The following MAP2K6 variants were observed in gnomAD, a reference collection of about 807,000 sequenced individuals.
MAP2K6 encodes the protein dual specificity mitogen-activated protein kinase kinase 6.
A neutral mutation model predicts 53.7 loss-of-function variants in MAP2K6; 16 were observed. The ratio of observed to expected loss-of-function variants is 0.30; its 90% CI spans 0.20 to 0.45. The LOEUF is 0.45. MAP2K6 is among the 20% of genes least tolerant of loss of function. The pLI is 1.00. For synonymous variants in MAP2K6, 132 were observed against 143.1 expected, an observed-to-expected ratio of 0.92 and a Z score of 0.55; for missense variants, 204 against 411.9, an observed-to-expected ratio of 0.50 and a Z score of 4.37.
chr17:69,416,583 T>A (rs1349679586), intron 1 of MAP2K6, among the ~76,000 whole-genome samples: 1 of 152,192 alleles, frequency 6.6e-6, no homozygotes, highest in African/African-American at 2.4e-5. Context: ...TATATACATA[T>A]GTATGTGTGT....
intron 1 of MAP2K6, among the ~76,000 whole-genome samples, chr17:69,428,745 A>G (rs1906350351): frequency 6.6e-6 from 1 of 152,106 alleles, no homozygotes; most frequent in Admixed American, 6.6e-5. Flanking sequence ...GAAGGACCTT[A>G]AGTTGGTATA....
At chr17:69,497,065 A>G (rs1908981229) in intron 1 of MAP2K6, among the ~76,000 whole-genome samples, 1 of 152,184 alleles carries the variant, frequency 6.6e-6, no homozygotes, top group African/African-American at 2.4e-5. Context: ...ACCAGAGCCT[A>G]TAGATTTTGC....
At chr17:69,437,378 T>G (rs148185427) in intron 1 of MAP2K6, among the ~76,000 whole-genome samples, 1 of 151,980 alleles carries the variant, frequency 6.6e-6, no homozygotes, top group Admixed American at 6.5e-5. Context: ...TCACATTGAG[T>G]AGGCTAAGGA....
At chr17:69,418,675 A>G (rs1049510280) in intron 1 of MAP2K6, among the ~76,000 whole-genome samples, 1 of 152,140 alleles carries the variant, frequency 6.6e-6, no homozygotes, top group African/African-American at 2.4e-5. Flanking sequence ...CTTCCATTGT[A>G]TTTATTTAAA....
chr17:69,508,770 T>A (rs1351718510), intron 2 of MAP2K6, among the ~76,000 whole-genome samples: 3 of 152,212 alleles, frequency 2.0e-5, no homozygotes, highest in Non-Finnish European at 4.4e-5. Context: ...CCATGGTCCA[T>A]TTTGAGTTAA....
chr17:69,423,681 A>G lies in MAP2K6; in HGVS notation c.16+8681A>G, dbSNP rs577433326. ...TTATAAGAATTGTAGGTCATTGCTC[A>G]TTTCCTCTGAACTAAGTTACCCGTC... On this transcript the variant is annotated intron_variant, in intron 1 of 11. Coordinates refer to ENST00000590474, the MANE Select transcript of MAP2K6 (RefSeq NM_002758.4). 2.0e-5 allele frequency among the ~76,000 whole-genome samples: 3 copies of G among 152,108 alleles called. No individual in the cohort carries two copies. In the East Asian group the frequency reaches 5.8e-4, roughly 29 times the overall value.
chr17:69,461,289 T>G (rs1481262382), intron 1 of MAP2K6, among the ~76,000 whole-genome samples: 1 of 152,202 alleles, frequency 6.6e-6, no homozygotes, highest in Non-Finnish European at 1.5e-5. Flanking sequence ...GTGTCCTCAC[T>G]GCTCTGTATG....
At chr17:69,431,244 G>A (rs377547991) in intron 1 of MAP2K6, among the ~76,000 whole-genome samples, 35 of 152,196 alleles carry the variant, frequency 2.3e-4, no homozygotes, top group African/African-American at 8.4e-4. Context: ...AAACACTAAA[G>A]TTCATGCTTC....
At chr17:69,430,137 T>G (rs1906410170) in intron 1 of MAP2K6, among the ~76,000 whole-genome samples, 1 of 151,984 alleles carries the variant, frequency 6.6e-6, no homozygotes, top group South Asian at 2.1e-4. Context: ...GACCAGCCTG[T>G]CCACCATGGT....
chr17:69,509,059 TTC>T (rs1421772147), intron 2 of MAP2K6, among the ~76,000 whole-genome samples: 2 of 152,266 alleles, frequency 1.3e-5, no homozygotes, highest in African/African-American at 2.4e-5. Flanking sequence ...TCTCACTCTG[TTC>T]TCTTTCAGAA....
intron 1 of MAP2K6, among the ~76,000 whole-genome samples, chr17:69,450,785 GC>G (rs1907196098): frequency 1.3e-5 from 2 of 151,592 alleles, no homozygotes; most frequent in African/African-American, 4.9e-5. Flanking sequence ...ATAAGACCCT[GC>G]CCTCAGAGTA....
intron 1 of MAP2K6, among the ~76,000 whole-genome samples, chr17:69,449,498 CTTT>C (rs753176567): frequency 0.17 from 20,389 of 122,842 alleles, 2,921 homozygotes; most frequent in African/African-American, 0.36. Context: ...TCCTTTCTTT[CTTT>C]TTTCTTTCTT....
At chr17:69,438,856 A>ATTGC (rs1371593025) in intron 1 of MAP2K6, among the ~76,000 whole-genome samples, 4 of 152,194 alleles carry the variant, frequency 2.6e-5, no homozygotes, top group Non-Finnish European at 5.9e-5. Context: ...AAGTGCTGGG[A>ATTGC]TTGCAGGCAT....
At chr17:69,449,543 TTCTTTCTTTCTTTCTTTATTTC>T (rs1567821739) in intron 1 of MAP2K6, among the ~76,000 whole-genome samples, 154 of 88,448 alleles carry the variant, frequency 1.7e-3, no homozygotes, top group African/African-American at 5.6e-3. Context: ...CTTTCTTTCT[TTCTTTCTTTCTTTCTTTATTTC>T]TTTCTTTCTT....
intron 1 of MAP2K6, among the ~76,000 whole-genome samples, chr17:69,464,513 C>G (rs1907731458): frequency 6.6e-6 from 1 of 152,134 alleles, no homozygotes; most frequent in African/African-American, 2.4e-5. Context: ...TCTTGAGTAG[C>G]TGGGACTACA....
At chr17:69,532,012 C>T (rs1911108017) in intron 10 of MAP2K6, among the ~76,000 whole-genome samples, 1 of 152,198 alleles carries the variant, frequency 6.6e-6, no homozygotes, top group Non-Finnish European at 1.5e-5. Flanking sequence ...AAGTCAACTG[C>T]CGAGTGCCAG....
In MAP2K6 at chr17:69,414,775, T is replaced by TG; in HGVS notation, c.-205dup. On this transcript the variant is annotated 5_prime_UTR_variant, in exon 1 of 12. Transcript: ENST00000590474. ...GCACAGCCTTCCCTAACGTTGCAAC[T>TG]GGGGGAAAAATCACTTTCCAGTCTG... The TG allele has an allele frequency of 1.9e-6, 1 of 536,018 alleles. No homozygotes were observed. The highest frequency in any genetic ancestry group is 3.3e-6 in the Non-Finnish European group (1 of 299,462). 33.2% of individuals were successfully genotyped at this position (536,018 alleles called of 1,614,324 possible).
intron 4 of MAP2K6, among the ~76,000 whole-genome samples, chr17:69,518,892 T>TA (rs1910316514): frequency 6.6e-6 from 1 of 152,244 alleles, no homozygotes; most frequent in African/African-American, 2.4e-5. Flanking sequence ...CCAATTCTCT[T>TA]ACAGTTGCTG....
At chr17:69,440,167 C>T (rs1906773088) in intron 1 of MAP2K6, among the ~76,000 whole-genome samples, 1 of 152,112 alleles carries the variant, frequency 6.6e-6, no homozygotes, top group Non-Finnish European at 1.5e-5. Context: ...ACTGCCTCAG[C>T]CTCCAGAGTA....
Sources: allele counts gnomAD v4.1 joint callset (sites outside exome capture counted in the v4.1 genomes callset), GRCh38; gene constraint gnomAD v4.1.1; transcripts MANE v1.5; gene names NCBI Gene and HGNC (gene_info 2026-07-23, HGNC 2026-07-21).